KIF6: variants seen among roughly 807,000 people sequenced by gnomAD.
KIF6 encodes kinesin-like protein KIF6.
KIF6 carries 106 observed loss-of-function variants against 112.7 expected under a neutral mutation model. That is an observed-to-expected ratio of 0.94 (90% CI 0.80 to 1.11). The LOEUF (loss-of-function observed/expected upper bound fraction) is 1.11, where lower values mean the gene tolerates loss of function less well. KIF6 is among the 50% of genes least tolerant of loss of function. The pLI is 0.00. For missense variants in KIF6, 929 were observed against 964.0 expected, an observed-to-expected ratio of 0.96 and a Z score of 0.48; for synonymous variants, 339 against 339.9, an observed-to-expected ratio of 1.00 and a Z score of 0.03.
At chr6:39,401,360 G>A (rs1173261417) in intron 15 of KIF6, among the ~76,000 whole-genome samples, 1 of 152,202 alleles carries the variant, frequency 6.6e-6, no homozygotes, top group Non-Finnish European at 1.5e-5. Context: ...CCTGGAAGCA[G>A]ACCCTAGTAC....
At chr6:39,666,854 C>T (rs964296367) in intron 3 of KIF6, among the ~76,000 whole-genome samples, 15 of 152,164 alleles carry the variant, frequency 9.9e-5, no homozygotes, top group African/African-American at 3.1e-4. Flanking sequence ...TTGTGGCCTA[C>T]AAATTTTGTA....
At chr6:39,484,135 C>A (rs1447040928) in intron 13 of KIF6, among the ~76,000 whole-genome samples, 9 of 152,136 alleles carry the variant, frequency 5.9e-5, no homozygotes, top group Admixed American at 5.9e-4. Context: ...TACATACCAC[C>A]CTCCATGTGC....
intron 2 of KIF6, among the ~76,000 whole-genome samples, chr6:39,718,229 CAAAAAA>C (rs35872391): frequency 6.8e-5 from 4 of 58,948 alleles, no homozygotes; most frequent in African/African-American, 1.4e-4. Flanking sequence ...GACTCCATCT[CAAAAAA>C]AAAAAAAAAA....
intron 3 of KIF6, among the ~76,000 whole-genome samples, chr6:39,703,742 A>G (rs1374471437): frequency 1.3e-5 from 2 of 152,218 alleles, no homozygotes; most frequent in East Asian, 3.8e-4. Flanking sequence ...CACGAGATAA[A>G]TTTACTGCTG....
chr6:39,494,249 T>C (rs1581975728), intron 13 of KIF6, among the ~76,000 whole-genome samples: 1 of 152,244 alleles, frequency 6.6e-6, no homozygotes, highest in South Asian at 2.1e-4. Flanking sequence ...ACTTATCTTT[T>C]GAGTATAAAA....
In KIF6 at chr6:39,640,296, T is replaced by C. The variant is rs527886736; in HGVS notation, c.252-539A>G. On this transcript the variant is annotated intron_variant, in intron 3 of 22. Coordinates refer to ENST00000287152, the MANE Select transcript of KIF6 (RefSeq NM_145027.6). ...CTTTTTGGTAGAAGATGCTAGTCCA[T>C]ATATATTCTTCAGCCCTGCAGAGCG... 1.5e-3 allele frequency among the ~76,000 whole-genome samples: 226 copies of C among 152,214 alleles called. 1 individual carries two copies. Among genetic ancestry groups the C allele is most frequent in the African/African-American group, 4.9e-3 (202 of 41,554 alleles).
chr6:39,596,939 T>G (rs1782305308), intron 6 of KIF6, among the ~76,000 whole-genome samples: 1 of 152,008 alleles, frequency 6.6e-6, no homozygotes, highest in African/African-American at 2.4e-5. Context: ...AGAGCAATGA[T>G]TAATCAGAAA....
intron 16 of KIF6, among the ~76,000 whole-genome samples, chr6:39,383,542 G>A (rs369331164): frequency 9.9e-5 from 15 of 152,226 alleles, no homozygotes; most frequent in South Asian, 8.3e-4. Context: ...TACTAATACC[G>A]TACTGTTTTG....
At chr6:39,598,984 T>C (rs1782436792) in intron 6 of KIF6, among the ~76,000 whole-genome samples, 1 of 152,160 alleles carries the variant, frequency 6.6e-6, no homozygotes, top group Non-Finnish European at 1.5e-5. Context: ...AAATTAATGA[T>C]AGCAGTTGTG....
intron 14 of KIF6, among the ~76,000 whole-genome samples, chr6:39,429,637 C>T (rs758283188): frequency 3.2e-4 from 49 of 152,208 alleles, no homozygotes; most frequent in Non-Finnish European, 6.3e-4. Context: ...AGGCCAGGCG[C>T]AGTGGCTCAT....
chr6:39,569,797 C>T (rs1465686988), intron 10 of KIF6, among the ~76,000 whole-genome samples: 1 of 152,232 alleles, frequency 6.6e-6, no homozygotes, highest in Non-Finnish European at 1.5e-5. Flanking sequence ...GTCTGGACAT[C>T]TTCCCCTGTC....
intron 21 of KIF6, among the ~76,000 whole-genome samples, chr6:39,344,395 G>T (rs2113902327): frequency 6.6e-6 from 1 of 152,200 alleles, no homozygotes. Context: ...AGACCCTTTA[G>T]TGGCTTTTCA....
chr6:39,720,400 A>T (rs1403525667), intron 2 of KIF6, among the ~76,000 whole-genome samples: 1 of 152,158 alleles, frequency 6.6e-6, no homozygotes, highest in African/African-American at 2.4e-5. Context: ...TTAATCATGC[A>T]TTGGAACTTT....
At chr6:39,602,030 T>C (rs1782604352) in intron 6 of KIF6, among the ~76,000 whole-genome samples, 1 of 152,136 alleles carries the variant, frequency 6.6e-6, no homozygotes, top group Admixed American at 6.6e-5. Context: ...CCAAGGATAT[T>C]TTGAGAGATA....
intron 16 of KIF6, among the ~76,000 whole-genome samples, chr6:39,368,597 C>T (rs2150278756): frequency 6.6e-6 from 1 of 152,328 alleles, no homozygotes; most frequent in East Asian, 1.9e-4. Flanking sequence ...TCCCCTGGTG[C>T]TGGCCTGTGA....
In KIF6 at chr6:39,523,571, C is replaced by A. The variant is rs568304875; in HGVS notation, c.1645+16432G>T. Among the ~76,000 whole-genome samples, 4 of 146,552 alleles carry A rather than the reference C, an allele frequency of 2.7e-5. No individual in the cohort carries two copies. The South Asian group carries it at 8.8e-4, about 32-fold the overall frequency. Reference sequence around the variant, plus strand: ...CACAGACCCTCTGTGTGTCCTACACCTCTGCACATTTGCTTGAGAAGTTCC... The same window carrying A: ...CACAGACCCTCTGTGTGTCCTACACATCTGCACATTTGCTTGAGAAGTTCC... On this transcript the variant is annotated intron_variant, in intron 13 of 22. Coordinates refer to ENST00000287152, the MANE Select transcript of KIF6 (RefSeq NM_145027.6).
intron 3 of KIF6, among the ~76,000 whole-genome samples, chr6:39,687,483 T>A (rs1364866353): frequency 2.0e-5 from 3 of 152,220 alleles, no homozygotes; most frequent in Non-Finnish European, 4.4e-5. Flanking sequence ...GAACTTCTTA[T>A]TCCTTAACAT....
At chr6:39,529,715 A>G (rs1480089297) in intron 13 of KIF6, among the ~76,000 whole-genome samples, 1 of 152,154 alleles carries the variant, frequency 6.6e-6, no homozygotes, top group Non-Finnish European at 1.5e-5. Flanking sequence ...TGAACCCAGG[A>G]GGCGGAGCTT....
intron 13 of KIF6, among the ~76,000 whole-genome samples, chr6:39,511,212 T>C (rs1776761899): frequency 6.6e-6 from 1 of 152,048 alleles, no homozygotes; most frequent in Non-Finnish European, 1.5e-5. Flanking sequence ...ACCAAGGTAA[T>C]ATCCAGAATC....
Sources: gnomAD v4.1 joint callset for allele counts (sites outside exome capture counted in the v4.1 genomes callset) on GRCh38, gnomAD v4.1.1 for gene constraint, MANE v1.5 for transcripts, NCBI Gene and HGNC (gene_info 2026-07-23, HGNC 2026-07-21) for gene names.